PTPRK: variants seen among roughly 807,000 people sequenced by gnomAD.
The protein encoded by PTPRK is protein tyrosine phosphatase receptor type K, also known as receptor-type tyrosine-protein phosphatase kappa.
A neutral mutation model predicts 178.0 loss-of-function variants in PTPRK; 75 were observed. The observed-to-expected ratio is 0.42, with a 90% CI of 0.35 to 0.51. The LOEUF (loss-of-function observed/expected upper bound fraction) is 0.51, where lower values mean the gene tolerates loss of function less well. Among genes scored for constraint, PTPRK ranks in the 20% least tolerant of loss-of-function variants. The pLI is 0.02. For missense variants in PTPRK, 1,441 were observed against 1,797.8 expected (o/e 0.80, Z 3.59); for synonymous variants, 637 against 620.6 (o/e 1.03, Z -0.39).
At chr6:128,339,341 T>C (rs976646441) in intron 2 of PTPRK, among the ~76,000 whole-genome samples, 2 of 152,306 alleles carry the variant, frequency 1.3e-5, no homozygotes, top group African/African-American at 4.8e-5. Context: ...CCATTTAATC[T>C]TGCACTAACA....
intron 1 of PTPRK, among the ~76,000 whole-genome samples, chr6:128,459,721 G>C (rs1418633850): frequency 6.6e-6 from 1 of 152,158 alleles, no homozygotes; most frequent in African/African-American, 2.4e-5. Context: ...TTACACTGGA[G>C]ATAACAGTTG....
intron 5 of PTPRK, among the ~76,000 whole-genome samples, chr6:128,224,736 T>A (rs543652458): frequency 1.3e-5 from 2 of 152,300 alleles, no homozygotes; most frequent in South Asian, 4.1e-4. Flanking sequence ...GTCAAGTTAT[T>A]TCTAAAAAGG....
chr6:128,182,876 G>A (rs906422812), intron 7 of PTPRK, among the ~76,000 whole-genome samples: 2 of 151,888 alleles, frequency 1.3e-5, no homozygotes, highest in East Asian at 3.9e-4. Flanking sequence ...TACACTGTGT[G>A]GTAATGCTAA....
chr6:128,125,055 T>C (rs116641273), intron 7 of PTPRK, among the ~76,000 whole-genome samples: 4,079 of 152,320 alleles, frequency 0.027, 134 homozygotes, highest in African/African-American at 0.062. Flanking sequence ...CTTTCTATAA[T>C]TAATCCCTTT....
intron 7 of PTPRK, among the ~76,000 whole-genome samples, chr6:128,163,838 G>A (rs1181634472): frequency 6.6e-6 from 1 of 151,442 alleles, no homozygotes; most frequent in Non-Finnish European, 1.5e-5. Flanking sequence ...TGCAATGTTT[G>A]TTGGAGATGA....
intron 7 of PTPRK, among the ~76,000 whole-genome samples, chr6:128,165,812 A>T (rs1030548021): frequency 6.6e-6 from 1 of 151,564 alleles, no homozygotes; most frequent in Non-Finnish European, 1.5e-5. Context: ...CTAAAGCCAA[A>T]TCTATATTGT....
chr6:128,319,536 A>C (rs1000610668), intron 3 of PTPRK, among the ~76,000 whole-genome samples: 1 of 152,212 alleles, frequency 6.6e-6, no homozygotes, highest in Non-Finnish European at 1.5e-5. Flanking sequence ...AAAATAAAAG[A>C]AAATGGGGAT....
intron 5 of PTPRK, among the ~76,000 whole-genome samples, chr6:128,238,962 A>T (rs549881188): frequency 4.6e-5 from 7 of 152,258 alleles, no homozygotes; most frequent in African/African-American, 1.7e-4. Flanking sequence ...AACACCCAGC[A>T]TATCAGTCAT....
Position 128,109,083 on chromosome 6 carries a change from A to T in PTPRK, c.1163-19091T>A, listed in dbSNP as rs992442653. On this transcript the variant is annotated intron_variant, in intron 7 of 29. Coordinates refer to ENST00000368226, the MANE Select transcript of PTPRK (RefSeq NM_002844.4). ...AGAATGATAATTTCCAAGAACATTT[A>T]AAAAAAACTACCATGTGTCAATGAT... is the stretch of plus-strand genomic sequence containing the variant. Among the ~76,000 whole-genome samples the T allele has an allele frequency of 1.6e-4, 25 of 152,062 alleles. 1 individual carries two copies. The highest frequency in any genetic ancestry group is 4.1e-4 in the South Asian group (2 of 4,820).
chr6:128,132,612 A>C (rs1794425688), intron 7 of PTPRK, among the ~76,000 whole-genome samples: 1 of 152,260 alleles, frequency 6.6e-6, no homozygotes, highest in Non-Finnish European at 1.5e-5. Flanking sequence ...TATTACGCTG[A>C]TGACACCACT....
chr6:128,135,855 T>A (rs779694998), intron 7 of PTPRK, among the ~76,000 whole-genome samples: 1 of 150,126 alleles, frequency 6.7e-6, no homozygotes, highest in East Asian at 2.0e-4. Context: ...ATAAAAATAA[T>A]AAAAAAAAAC....
At chr6:128,074,594 T>C (rs1307485908) in intron 11 of PTPRK, among the ~76,000 whole-genome samples, 1 of 152,090 alleles carries the variant, frequency 6.6e-6, no homozygotes, top group African/African-American at 2.4e-5. Context: ...GTTGTAAGGA[T>C]AGATCTCAAA....
At position 128,272,419 on chromosome 6, in the gene PTPRK, G is replaced by A. The variant is rs529310784; in HGVS notation, c.496-29817C>T. Among the ~76,000 whole-genome samples the A allele has an allele frequency of 2.6e-5, 4 of 152,190 alleles. No homozygotes were observed. The South Asian group carries it at 8.3e-4, about 32-fold the overall frequency. Reference sequence around the variant, plus strand: ...AAGAAACTACCATCAGAGTGAACAGGCAACTTACAGAATGGGAAAAAATTT... The same window carrying A: ...AAGAAACTACCATCAGAGTGAACAGACAACTTACAGAATGGGAAAAAATTT... On this transcript the variant is annotated intron_variant, in intron 3 of 29. Transcript: ENST00000368226.
chr6:127,973,728 G>A lies in PTPRK; in HGVS notation c.4069C>T (p.Leu1357Phe), dbSNP rs1167657194. Reference protein sequence around the residue: ...GSKRSFLKLILQVEKWQEECE... With the variant: ...GSKRSFLKLIFQVEKWQEECE... ...TCCTCCTGCCACTTTTCCACCTGAAGTATCAGTTTCAAGAATGACCTTTTG... is the reference window on the plus strand; with the variant it reads ...TCCTCCTGCCACTTTTCCACCTGAAATATCAGTTTCAAGAATGACCTTTTG... Residue 1357 changes from leucine (L) to phenylalanine (F), a missense_variant, in exon 28 of 30, where the codon CTT becomes TTT. Physicochemically the swap from Leu to Phe is conservative, Grantham distance 22. Around this residue, in one of 4 missense-constraint regions of PTPRK, gnomAD observed 335 missense variants for 512.4 expected, o/e 0.65. Transcript: ENST00000368226. 1 of 1,613,938 alleles carries A rather than the reference G, an allele frequency of 6.2e-7. No individual in the cohort carries two copies. The highest frequency in any genetic ancestry group is 1.7e-5 in the Admixed American group (1 of 59,996).
intron 3 of PTPRK, among the ~76,000 whole-genome samples, chr6:128,278,202 G>A (rs1821079861): frequency 6.6e-6 from 1 of 151,758 alleles, no homozygotes; most frequent in African/African-American, 2.4e-5. Flanking sequence ...TGTAGCCTGG[G>A]CTGGAGTGCA....
intron 7 of PTPRK, among the ~76,000 whole-genome samples, chr6:128,173,835 T>C (rs2114656691): frequency 6.6e-6 from 1 of 152,114 alleles, no homozygotes; most frequent in East Asian, 1.9e-4. Context: ...CTTTCTGAAA[T>C]CTCCTTTCAG....
intron 12 of PTPRK, among the ~76,000 whole-genome samples, chr6:128,066,245 T>C (rs1444617599): frequency 6.6e-6 from 1 of 152,194 alleles, no homozygotes; most frequent in African/African-American, 2.4e-5. Context: ...GAATGATATG[T>C]AGGCAGAAAG....
intron 2 of PTPRK, among the ~76,000 whole-genome samples, chr6:128,357,963 A>G (rs1451392668): frequency 6.6e-6 from 1 of 152,226 alleles, no homozygotes; most frequent in Non-Finnish European, 1.5e-5. Flanking sequence ...CTACTCACAC[A>G]GCAAATTTCC....
At chr6:128,083,093 T>A (rs1239750308) in intron 9 of PTPRK, among the ~76,000 whole-genome samples, 2 of 152,132 alleles carry the variant, frequency 1.3e-5, no homozygotes, top group Non-Finnish European at 2.9e-5. Context: ...TACTAGTGAT[T>A]CTCATTTCCA....
Sources: gnomAD v4.1 joint callset for allele counts (sites outside exome capture counted in the v4.1 genomes callset) on GRCh38, gnomAD v4.1.1 for gene constraint, gnomAD v4.1.1 regional missense constraint, MANE v1.5 for transcripts, NCBI Gene and HGNC (gene_info 2026-07-23, HGNC 2026-07-21) for gene names.